The following FLT1 variants were observed in gnomAD, a reference collection of about 807,000 sequenced individuals.
FLT1 encodes the protein vascular endothelial growth factor receptor 1.
A neutral mutation model predicts 156.3 loss-of-function variants in FLT1; 49 were observed. The ratio of observed to expected loss-of-function variants is 0.31; its 90% confidence interval spans 0.25 to 0.40. The LOEUF is 0.40. Among genes scored for constraint, FLT1 ranks in the 10% least tolerant of loss-of-function variants. FLT1 has a pLI of 1.00. For synonymous variants in FLT1, 594 were observed against 583.8 expected, an observed-to-expected ratio of 1.02 and a Z score of -0.25; for missense variants, 1,322 against 1,637.2, an observed-to-expected ratio of 0.81 and a Z score of 3.32.
chr13:28,318,313 G>A (rs529264136), intron 24 of FLT1, among the ~76,000 whole-genome samples: 56 of 152,200 alleles, frequency 3.7e-4, no homozygotes, highest in African/African-American at 1.3e-3. Flanking sequence ...AGTGGAATGG[G>A]GTGGGGGCTG....
At chr13:28,381,069 T>C (rs1235674565) in intron 14 of FLT1, among the ~76,000 whole-genome samples, 4 of 152,206 alleles carry the variant, frequency 2.6e-5, no homozygotes, top group Non-Finnish European at 5.9e-5. Flanking sequence ...CACATTCTCT[T>C]GCCTTGTCTC....
At chr13:28,433,064 C>G (rs1347078548) in intron 6 of FLT1, among the ~76,000 whole-genome samples, 1 of 152,224 alleles carries the variant, frequency 6.6e-6, no homozygotes, top group East Asian at 1.9e-4. Context: ...ATAATTTAAT[C>G]ATAAATTGAC....
At chr13:28,390,974 G>A (rs1874676613) in intron 12 of FLT1, among the ~76,000 whole-genome samples, 1 of 152,144 alleles carries the variant, frequency 6.6e-6, no homozygotes, top group Non-Finnish European at 1.5e-5. Context: ...CCCTGGTCCA[G>A]CAAAGACCAC....
At position 28,439,127 on chromosome 13, in the gene FLT1, T is replaced by G. The variant is rs1011822158; in HGVS notation, c.389-782A>C. 3.3e-5 allele frequency among the ~76,000 whole-genome samples: 5 copies of G among 152,336 alleles called. No individual in the cohort carries two copies. Among genetic ancestry groups the G allele is most frequent in the African/African-American group, 1.2e-4 (5 of 41,576 alleles). On this transcript the variant is annotated intron_variant, in intron 3 of 29. Coordinates refer to ENST00000282397, the MANE Select transcript of FLT1 (RefSeq NM_002019.4). The surrounding 1 kb of genome is among the most constrained non-coding windows in gnomAD (Gnocchi z 4.1). Reference sequence around the variant, plus strand: ...CAGAGGCAAGGAGGATTCAAACACCTGTTCAGCTTCCCTGTAACTCCTCAG... The same window carrying G: ...CAGAGGCAAGGAGGATTCAAACACCGGTTCAGCTTCCCTGTAACTCCTCAG...
At position 28,396,999 on chromosome 13, in the gene FLT1, C is replaced by A. The variant is rs200819753; in HGVS notation, c.1621G>T (p.Val541Phe). Residue 541 changes from valine (V) to phenylalanine (F), a missense_variant, in exon 12 of 30, where the codon GTT (valine) becomes TTT (phenylalanine). Physicochemically the swap from Val to Phe is conservative, Grantham distance 50 (BLOSUM62 -1). Coordinates refer to ENST00000282397, the MANE Select transcript of FLT1 (RefSeq NM_002019.4). Reference protein sequence around the residue: ...GIYICIASNKVGTVGRNISFY... With the variant: ...GIYICIASNKFGTVGRNISFY... ...CTTATGTTTCTTCCCACAGTCCCAA[C>A]TTTATTGGAAGCTATGCAAATGTAG... 75 of 1,613,276 alleles carry A rather than the reference C, an allele frequency of 4.6e-5. No homozygotes were observed. The highest frequency in any genetic ancestry group is 5.9e-5 in the Non-Finnish European group (70 of 1,179,348).
At chr13:28,486,011 G>A (rs1230219099) in intron 1 of FLT1, among the ~76,000 whole-genome samples, 2 of 152,240 alleles carry the variant, frequency 1.3e-5, no homozygotes, top group African/African-American at 4.8e-5. Context: ...GGGTGACTAA[G>A]TTTTGGCACA....
chr13:28,437,961 TACATA>T (rs1173861935), intron 4 of FLT1, among the ~76,000 whole-genome samples: 1 of 152,248 alleles, frequency 6.6e-6, no homozygotes, highest in Non-Finnish European at 1.5e-5. Context: ...TTTGTGGCAA[TACATA>T]ACATTTTTCA....
At chr13:28,432,424 G>A (rs1877749408) in intron 6 of FLT1, among the ~76,000 whole-genome samples, 1 of 152,174 alleles carries the variant, frequency 6.6e-6, no homozygotes, top group African/African-American at 2.4e-5. Context: ...TAACGTAACA[G>A]ACTGAGGGAG....
At chr13:28,490,426 T>G (rs1346737587) in intron 1 of FLT1, among the ~76,000 whole-genome samples, 2 of 152,248 alleles carry the variant, frequency 1.3e-5, no homozygotes, top group Admixed American at 6.5e-5. Flanking sequence ...GTTTCCTTAA[T>G]GAACCCCCCT....
chr13:28,467,159 A>G (rs746937055), intron 2 of FLT1, 30 bp from the exon 3 acceptor site: 1 of 1,544,382 alleles, frequency 6.5e-7, no homozygotes, highest in Non-Finnish European at 8.9e-7. Flanking sequence ...AACAAAACAT[A>G]TTTATGGCTG....
At chr13:28,349,415 G>A (rs938849590) in intron 15 of FLT1, among the ~76,000 whole-genome samples, 2 of 147,250 alleles carry the variant, frequency 1.4e-5, no homozygotes, top group East Asian at 2.0e-4. Context: ...GGTTTAATGC[G>A]GCCTTGCTGT....
At chr13:28,373,372 T>A (rs1873705464) in intron 14 of FLT1, among the ~76,000 whole-genome samples, 1 of 152,178 alleles carries the variant, frequency 6.6e-6, no homozygotes, top group Non-Finnish European at 1.5e-5. Context: ...TGAACTTTCT[T>A]GACTTTGATT....
At position 28,322,350 on chromosome 13, in the gene FLT1, C is replaced by T. The variant is rs149241190; in HGVS notation, c.2963G>A (p.Gly988Asp). ...CATAGTGATGGGCTCCTTGTAGAAA[C>T]CGTCAGAATCTGGAAAGCATTAGAA... Reference protein sequence around the residue: ...SDVEEEEDSDGFYKEPITMED... With the variant: ...SDVEEEEDSDDFYKEPITMED... The change falls in exon 22 of 30, where the codon GGT becomes GAT. Residue 988 changes from glycine (G) to aspartate (D), a missense_variant. Transcript: ENST00000282397. The surrounding 1 kb of genome is among the most constrained non-coding windows in gnomAD (Gnocchi z 4.3). 12 of 1,608,934 alleles carry T rather than the reference C, an allele frequency of 7.5e-6. No homozygotes were observed. The African/African-American group carries it at 1.5e-4, about 20-fold the overall frequency.
At chr13:28,460,071 C>A (rs1191220589) in intron 3 of FLT1, among the ~76,000 whole-genome samples, 1 of 152,244 alleles carries the variant, frequency 6.6e-6, no homozygotes, top group Non-Finnish European at 1.5e-5. Context: ...CCATACCAGT[C>A]TGGCAGATTG....
intron 9 of FLT1, 62 bp from the exon 10 acceptor site, chr13:28,427,380 CCA>C: frequency 6.7e-7 from 1 of 1,497,084 alleles, no homozygotes; most frequent in Admixed American, 1.7e-5. Context: ...TTCTCCTGGG[CCA>C]CACATGAAGG....
At position 28,427,062 on chromosome 13, in the gene FLT1, A is replaced by G. The variant is rs959859095; in HGVS notation, c.1436+97T>C. On this transcript the variant is annotated intron_variant, in intron 10 of 29. Coordinates refer to ENST00000282397, the MANE Select transcript of FLT1 (RefSeq NM_002019.4). ...AGCCTTTGCCTCAAATATACAGTAC[A>G]TCCCACATGCAGATTCCCATCTGCG... 10 of 1,135,496 alleles carry G rather than the reference A, an allele frequency of 8.8e-6. No homozygotes were observed. The African/African-American group carries it at 1.4e-4, about 16-fold the overall frequency. 70.3% of individuals were successfully genotyped at this position (1,135,496 alleles called of 1,614,324 possible).
intron 16 of FLT1, among the ~76,000 whole-genome samples, chr13:28,344,956 C>A (rs1487172267): frequency 1.3e-5 from 2 of 151,772 alleles, no homozygotes; most frequent in Non-Finnish European, 2.9e-5. Context: ...TGTGCACCAC[C>A]ATACCTGCCT....
chr13:28,377,692 G>C (rs1873897182), intron 14 of FLT1, among the ~76,000 whole-genome samples: 2 of 152,212 alleles, frequency 1.3e-5, no homozygotes, highest in South Asian at 4.1e-4. Flanking sequence ...AAATATATGA[G>C]TATTAGGCTG....
intron 14 of FLT1, among the ~76,000 whole-genome samples, chr13:28,375,793 C>T (rs1319939097): frequency 1.3e-5 from 2 of 152,240 alleles, no homozygotes; most frequent in Non-Finnish European, 2.9e-5. Flanking sequence ...AGCTCACCCT[C>T]ACAGGCACTG....
Sources: gnomAD v4.1 joint callset for allele counts (sites outside exome capture counted in the v4.1 genomes callset) on GRCh38, gnomAD v4.1.1 for gene constraint, Gnocchi (gnomAD v3.1) non-coding constraint, MANE v1.5 for transcripts, NCBI Gene and HGNC (gene_info 2026-07-23, HGNC 2026-07-21) for gene names.